Variants in COL11A2 observed in about 807,000 individuals in gnomAD.
COL11A2 encodes collagen type XI alpha 2 chain.
In COL11A2, 116 loss-of-function variants were observed where a neutral mutation model predicts 273.4. That is an observed-to-expected ratio of 0.42 (90% CI 0.36 to 0.49). The LOEUF is 0.49. Ranked by LOEUF, COL11A2 falls within the 20% of genes least tolerant of loss-of-function variation. COL11A2 has a pLI of 0.00. For missense variants in COL11A2, 1,866 were observed against 2,309.0 expected (o/e 0.81, Z 3.93); for synonymous variants, 782 against 864.2 (o/e 0.90, Z 1.67).
chr6:33,167,243 A>G lies in COL11A2; in HGVS notation c.4176+21T>C. ...AGGGCACTGCCCTCACCCCTCACTC[A>G]GCCCAATCCCAGTCACTCACCACAG... On this transcript the variant is annotated intron_variant, in intron 57 of 65. Coordinates refer to ENST00000341947, the MANE Select transcript of COL11A2 (RefSeq NM_080680.3). The surrounding 1 kb of genome is among the most constrained non-coding windows in gnomAD (Gnocchi z 6.1). 1 of 1,613,986 alleles carries G rather than the reference A, an allele frequency of 6.2e-7. No individual in the cohort carries two copies. Among genetic ancestry groups the G allele is most frequent in the South Asian group, 1.1e-5 (1 of 91,070 alleles).
At chr6:33,191,722 T>C (rs1773132751) in intron 1 of COL11A2, among the ~76,000 whole-genome samples, 1 of 152,240 alleles carries the variant, frequency 6.6e-6, no homozygotes, top group South Asian at 2.1e-4. Flanking sequence ...CTGGGCTTAC[T>C]GGGCTCTGCT....
At position 33,190,459 on chromosome 6, in the gene COL11A2, T is replaced by TC. The variant is rs1772974675; in HGVS notation, c.83-991dup. Among the ~76,000 whole-genome samples the TC allele has an allele frequency of 6.6e-6, 1 of 152,058 alleles. No individual in the cohort carries two copies. The highest frequency in any genetic ancestry group is 1.5e-5 in the Non-Finnish European group (1 of 68,020). ...CTCAAACTCCCTGGAAAACAAAAGA[T>TC]CACCTTGCCCTCACTTGCTCCCCTA... On this transcript the variant is annotated intron_variant, in intron 1 of 65. Transcript: ENST00000341947. This position sits in a 1 kb window ranked among gnomAD's most constrained non-coding sequence, Gnocchi z 4.5.
rs918263359 is a variant in COL11A2 at position 33,192,421 on chromosome 6, C to G, written c.-181G>C. 3 of 641,764 alleles carry G rather than the reference C, an allele frequency of 4.7e-6. No homozygotes were observed. The highest frequency in any genetic ancestry group is 8.3e-6 in the Non-Finnish European group (3 of 363,360). 39.8% of individuals were successfully genotyped at this position (641,764 alleles called of 1,614,324 possible). A position where few individuals can be genotyped will look rare whatever the true frequency, so the allele number is the denominator to read the frequency against. Reference sequence around the variant, plus strand: ...CCAGCTCCATGCAGCAAGGCGCCGTCGGGGCTCCCGGCACTGCTCCCTCCT... The same window carrying G: ...CCAGCTCCATGCAGCAAGGCGCCGTGGGGGCTCCCGGCACTGCTCCCTCCT... On this transcript the variant is annotated 5_prime_UTR_variant, in exon 1 of 66. Coordinates refer to ENST00000341947, the MANE Select transcript of COL11A2 (RefSeq NM_080680.3).
rs762561410 is a variant in COL11A2 at position 33,178,428 on chromosome 6, C to A, written c.1773+7G>T. Reference sequence around the variant, plus strand: ...CACCCAGCCCCTACATTTGCCACTACACTTACCCTCTCTCCATCCTCACCA... The same window carrying A: ...CACCCAGCCCCTACATTTGCCACTAAACTTACCCTCTCTCCATCCTCACCA... On this transcript the variant is annotated splice_region_variant and intron_variant, in intron 19 of 65. Transcript: ENST00000341947. This position sits in a 1 kb window ranked among gnomAD's most constrained non-coding sequence, Gnocchi z 4.6. 1 of 1,612,964 alleles carries A rather than the reference C, an allele frequency of 6.2e-7. No homozygotes were observed. Among genetic ancestry groups the A allele is most frequent in the East Asian group, 2.2e-5 (1 of 44,874 alleles).
chr6:33,170,778 C>A lies in COL11A2; in HGVS notation c.3474+32G>T, dbSNP rs1159453305. ...AAAACATCACCCCATCCTGACCCCA[C>A]CTCTCAGCCCCTGTCCTATCCCCCA... On this transcript the variant is annotated intron_variant, in intron 46 of 65. Transcript: ENST00000341947. The surrounding 1 kb of genome is among the most constrained non-coding windows in gnomAD (Gnocchi z 4.3). 6.2e-7 allele frequency: 1 copy of A among 1,608,396 alleles called. No homozygotes were observed. Among genetic ancestry groups the A allele is most frequent in the Admixed American group, 1.7e-5 (1 of 59,996 alleles).
chr6:33,164,567 A>G lies in COL11A2; in HGVS notation c.4864-94T>C. The G allele has an allele frequency of 9.6e-7, 1 of 1,045,610 alleles. No individual in the cohort carries two copies. Among genetic ancestry groups the G allele is most frequent in the South Asian group, 1.7e-5 (1 of 59,416 alleles). The allele number at this position is 1,045,610 out of a possible 1,614,324, so 64.8% of individuals were successfully genotyped here. On this transcript the variant is annotated intron_variant, in intron 64 of 65. Coordinates refer to ENST00000341947, the MANE Select transcript of COL11A2 (RefSeq NM_080680.3). The surrounding 1 kb of genome is among the most constrained non-coding windows in gnomAD (Gnocchi z 4.7). ...GGGCCTCAGGAGCATCTACGGCACC[A>G]GGACAGCTGAGCCAGAGTCATGAGC...
Position 33,164,583 on chromosome 6 carries a change from A to G in COL11A2, c.4864-110T>C. On this transcript the variant is annotated intron_variant, in intron 64 of 65. Coordinates refer to ENST00000341947, the MANE Select transcript of COL11A2 (RefSeq NM_080680.3). The surrounding 1 kb of genome is among the most constrained non-coding windows in gnomAD (Gnocchi z 4.7). ...TACGGCACCAGGACAGCTGAGCCAG[A>G]GTCATGAGCAGGGAATGGCTGGAAG... 1.0e-6 allele frequency: 1 copy of G among 961,380 alleles called. No homozygotes were observed. Among genetic ancestry groups the G allele is most frequent in the Non-Finnish European group, 1.5e-6 (1 of 659,306 alleles). The allele number at this position is 961,380 out of a possible 1,614,324, so 59.6% of individuals were successfully genotyped here.
chr6:33,174,702 A>G, intron 30 of COL11A2, 122 bp from the exon 31 acceptor site: 2 of 874,628 alleles, frequency 2.3e-6, no homozygotes, highest in Non-Finnish European at 3.7e-6. Context: ...CACACACCCC[A>G]GCCTCTAGCC....
At chr6:33,183,068 G>A (rs542034062) in intron 8 of COL11A2, among the ~76,000 whole-genome samples, 15 of 152,242 alleles carry the variant, frequency 9.9e-5, no homozygotes, top group Non-Finnish European at 1.6e-4. Context: ...TATGGGATGC[G>A]GCAGCAGGGT....
intron 53 of COL11A2, 25 bp from the exon 54 acceptor site, chr6:33,168,597 CTGAG>C (rs941170558): frequency 6.2e-7 from 1 of 1,612,708 alleles, no homozygotes; most frequent in African/African-American, 1.3e-5. Context: ...ATTGGGGTGG[CTGAG>C]TGTTTATCCT....
In COL11A2 at chr6:33,173,392, CA is replaced by C; in HGVS notation, c.2691del (p.Lys899ArgfsTer85). 6.2e-7 allele frequency: 1 copy of C among 1,613,128 alleles called. No individual in the cohort carries two copies. Among genetic ancestry groups the C allele is most frequent in the Non-Finnish European group, 8.5e-7 (1 of 1,179,960 alleles). On this transcript the variant is annotated frameshift_variant, in exon 37 of 66. Coordinates refer to ENST00000341947, the MANE Select transcript of COL11A2 (RefSeq NM_080680.3). LOFTEE classifies it high-confidence loss of function. This position sits in a 1 kb window ranked among gnomAD's most constrained non-coding sequence, Gnocchi z 6.3. ...GGGTGTCCCGGCAGCCCATCCTTCC[CA>C]GGGGGGCCCTGGAAGGGGTTCAGTT... Reference protein sequence around the residue: ...FPGPKGPPGPPGKDGLPGHPG... With the variant: ...FPGPKGPPGPXGKDGLPGHPG...
chr6:33,165,240 T>C lies in COL11A2; in HGVS notation c.4751-276A>G, dbSNP rs573169207. 2.0e-5 allele frequency among the ~76,000 whole-genome samples: 3 copies of C among 152,244 alleles called. No individual in the cohort carries two copies. The highest frequency in any genetic ancestry group is 4.1e-4 in the South Asian group (2 of 4,822). On this transcript the variant is annotated intron_variant, in intron 63 of 65. Coordinates refer to ENST00000341947, the MANE Select transcript of COL11A2 (RefSeq NM_080680.3). The surrounding 1 kb of genome is among the most constrained non-coding windows in gnomAD (Gnocchi z 7.7). ...GGTCCGAGTATGGACAGCCTCATAC[T>C]GGGACAACATGTGGTTGCAGGCGCT... is the stretch of plus-strand genomic sequence containing the variant.
chr6:33,192,193 C>G lies in COL11A2; in HGVS notation c.48G>C (p.Leu16=). Residue 16 remains leucine, a synonymous_variant, in exon 1 of 66, where the codon CTG becomes CTC. Coordinates refer to ENST00000341947, the MANE Select transcript of COL11A2 (RefSeq NM_080680.3). ...RCHRLLLLLP[L]VLGLSAAPGW... ...CTGGGGCCGCGCTCAGCCCCAGCAC[C>G]AGAGGTAGGAGGAGGAGGAGGCGAT... The G allele has an allele frequency of 6.4e-7, 1 of 1,566,942 alleles. No homozygotes were observed. The highest frequency in any genetic ancestry group is 8.7e-7 in the Non-Finnish European group (1 of 1,155,858).
rs369625844 is a variant in COL11A2, at chr6:33,191,795, C to T, written c.82+364G>A. Among the ~76,000 whole-genome samples the T allele has an allele frequency of 2.6e-5, 4 of 152,348 alleles. No homozygotes were observed. The East Asian group carries it at 5.8e-4, about 22-fold the overall frequency. On this transcript the variant is annotated intron_variant, in intron 1 of 65. Transcript: ENST00000341947. ...CGACAGAAAGGCCATAAGACACACA[C>T]GCCTCACCCATCAACATTGGCGTCT...
intron 3 of COL11A2, 70 bp from the exon 4 acceptor site, chr6:33,188,594 A>G: frequency 6.3e-7 from 1 of 1,579,506 alleles, no homozygotes; most frequent in Non-Finnish European, 8.7e-7. Flanking sequence ...ATGGTTGGAG[A>G]GCAGTGATAA....
Position 33,178,779 on chromosome 6 carries a change from GCC to G in COL11A2, c.1666-49_1666-48del. The G allele has an allele frequency of 6.2e-7, 1 of 1,610,550 alleles. No individual in the cohort carries two copies. The highest frequency in any genetic ancestry group is 1.7e-5 in the Admixed American group (1 of 60,014). On this transcript the variant is annotated intron_variant, in intron 17 of 65. Transcript: ENST00000341947. The surrounding 1 kb of genome is among the most constrained non-coding windows in gnomAD (Gnocchi z 4.6). ...AGAGTGAGGACACGACCCTGTCCAA[GCC>G]CACCCCTCCCTACTGCACCCTGAGC... is the stretch of plus-strand genomic sequence containing the variant.
At chr6:33,171,237 C>A in intron 44 of COL11A2, 34 bp downstream of exon 44, 1 of 1,614,106 alleles carries the variant, frequency 6.2e-7, no homozygotes, top group Non-Finnish European at 8.5e-7. Flanking sequence ...GGTTAAAGGC[C>A]AGGAGGTCAG....
At position 33,164,118 on chromosome 6, in the gene COL11A2, G is replaced by T; in HGVS notation, c.5070+149C>A. 2 of 1,005,214 alleles carry T rather than the reference G, an allele frequency of 2.0e-6. No individual in the cohort carries two copies. The highest frequency in any genetic ancestry group is 1.6e-5 in the South Asian group (1 of 61,138). The allele number at this position is 1,005,214 out of a possible 1,614,324, so 62.3% of individuals were successfully genotyped here. ...TCCATCCTTTCCACCTTCCTCACCG[G>T]CTTTTGAGCTCCCTCAGGCATCCCT... On this transcript the variant is annotated intron_variant, in intron 65 of 65. Coordinates refer to ENST00000341947, the MANE Select transcript of COL11A2 (RefSeq NM_080680.3). The surrounding 1 kb of genome is among the most constrained non-coding windows in gnomAD (Gnocchi z 4.7).
Position 33,177,482 on chromosome 6 carries a change from A to G in COL11A2, c.1918-17T>C, listed in dbSNP as rs777396901. 6.2e-7 allele frequency: 1 copy of G among 1,612,596 alleles called. No individual in the cohort carries two copies. Among genetic ancestry groups the G allele is most frequent in the South Asian group, 1.1e-5 (1 of 91,062 alleles). On this transcript the variant is annotated splice_polypyrimidine_tract_variant and intron_variant, in intron 22 of 65. Coordinates refer to ENST00000341947, the MANE Select transcript of COL11A2 (RefSeq NM_080680.3). This position sits in a 1 kb window ranked among gnomAD's most constrained non-coding sequence, Gnocchi z 5.9. ...CTGGGGTCCCTAGAAACAGGTGACC[A>G]GGCACAGGTCAGAAGGAGATGGAGA...
Sources: allele counts gnomAD v4.1 joint callset (sites outside exome capture counted in the v4.1 genomes callset), GRCh38; gene constraint gnomAD v4.1.1; non-coding constraint Gnocchi (gnomAD v3.1); transcripts MANE v1.5; gene names NCBI Gene and HGNC (gene_info 2026-07-23, HGNC 2026-07-21).